The following ASCC3 variants were observed in gnomAD, a reference collection of about 807,000 sequenced individuals.
The protein encoded by ASCC3 is activating signal cointegrator 1 complex subunit 3, also known as ASC-1 complex subunit P200.
Under a neutral mutation model 256.3 loss-of-function variants are expected in ASCC3, and 158 were observed. The ratio of observed to expected loss-of-function variants is 0.62; its 90% confidence interval spans 0.54 to 0.70. ASCC3 has a LOEUF of 0.70. Ranked by LOEUF, ASCC3 falls within the 30% of genes least tolerant of loss-of-function variation. The pLI, the probability that ASCC3 is intolerant of heterozygous loss-of-function variation, is 0.00. For synonymous variants in ASCC3, 948 were observed against 883.4 expected (o/e 1.07, Z -1.30); for missense variants, 2,259 against 2,626.0 (o/e 0.86, Z 3.05).
At chr6:100,556,451 T>A (rs1404610212) in intron 36 of ASCC3, among the ~76,000 whole-genome samples, 1 of 152,282 alleles carries the variant, frequency 6.6e-6, no homozygotes, top group South Asian at 2.1e-4. Flanking sequence ...GTCAGATACA[T>A]TGTCCAGGTG....
intron 4 of ASCC3, among the ~76,000 whole-genome samples, chr6:100,825,312 C>T (rs1771248038): frequency 6.8e-6 from 1 of 147,452 alleles, no homozygotes. Context: ...GCTAAAAAAG[C>T]AGATAATGTC....
chr6:100,832,690 C>T (rs372142384), intron 4 of ASCC3, among the ~76,000 whole-genome samples: 4 of 151,952 alleles, frequency 2.6e-5, no homozygotes, highest in African/African-American at 9.7e-5. Context: ...TAAGAGTATG[C>T]ACCAGACGTA....
chr6:100,745,474 G>T (rs910456733), intron 10 of ASCC3, among the ~76,000 whole-genome samples: 2 of 144,252 alleles, frequency 1.4e-5, no homozygotes, highest in African/African-American at 5.2e-5. Context: ...GTGACAGAGT[G>T]AGACTTGGTC....
In ASCC3 at chr6:100,706,001, ATC is replaced by A. The variant is rs145342390; in HGVS notation, c.2151+9459_2151+9460del. ...AACTATAATGAAATTCCAGAAGCAAATCTCTCTCTCTACATATATATACACAC... is the reference window on the plus strand; with the variant it reads ...AACTATAATGAAATTCCAGAAGCAAATCTCTCTCTACATATATATACACAC... On this transcript the variant is annotated intron_variant, in intron 13 of 41. Coordinates refer to ENST00000369162, the MANE Select transcript of ASCC3 (RefSeq NM_006828.4). Among the ~76,000 whole-genome samples, 15 of 151,948 alleles carry A rather than the reference ATC, an allele frequency of 9.9e-5. No homozygotes were observed. The East Asian group carries it at 1.6e-3, about 16-fold the overall frequency.
At chr6:100,723,881 TATATATATATATATATTTATA>T (rs1324493616) in intron 11 of ASCC3, among the ~76,000 whole-genome samples, 7 of 138,736 alleles carry the variant, frequency 5.0e-5, no homozygotes, top group East Asian at 2.1e-4. Flanking sequence ...TATATATATA[TATATATATATATATATTTATA>T]ATTATATATA....
chr6:100,793,726 T>A (rs933994545), intron 8 of ASCC3, among the ~76,000 whole-genome samples: 5 of 151,342 alleles, frequency 3.3e-5, no homozygotes, highest in Non-Finnish European at 5.9e-5. Context: ...TTGAATCATG[T>A]GTTGCAGAAA....
At position 100,589,749 on chromosome 6, in the gene ASCC3, G is replaced by C. The variant is rs1771894766; in HGVS notation, c.5435C>G (p.Pro1812Arg). The C allele has an allele frequency of 1.2e-6, 2 of 1,613,638 alleles. No individual in the cohort carries two copies. The highest frequency in any genetic ancestry group is 1.7e-6 in the Non-Finnish European group (2 of 1,179,788). Reference sequence around the variant, plus strand: ...GGAGGCAATTCGGCCATAAGTTAGAGGTTCAATGCTGCGATTATCCTATTT... The same window carrying C: ...GGAGGCAATTCGGCCATAAGTTAGACGTTCAATGCTGCGATTATCCTATTT... ...EIGEDNRSIE[P>R]LTYGRIASYY... The change falls in exon 36 of 42, where the codon CCT becomes CGT. Residue 1812 changes from proline (P) to arginine (R), a missense_variant. Pro to Arg is a moderately radical substitution (Grantham distance 103). This residue lies in a region of ASCC3 where 1,839 missense variants were observed against 2,206.7 expected (regional missense o/e 0.83). Coordinates refer to ENST00000369162, the MANE Select transcript of ASCC3 (RefSeq NM_006828.4).
At chr6:100,615,133 A>AG (rs1773600896) in intron 30 of ASCC3, among the ~76,000 whole-genome samples, 1 of 151,922 alleles carries the variant, frequency 6.6e-6, no homozygotes, top group Non-Finnish European at 1.5e-5. Context: ...CTCCTGCCTC[A>AG]GCCTCTCGAG....
chr6:100,792,226 T>C (rs1196414993), intron 8 of ASCC3, among the ~76,000 whole-genome samples: 1 of 151,930 alleles, frequency 6.6e-6, no homozygotes, highest in Non-Finnish European at 1.5e-5. Context: ...CAGTAATACT[T>C]CCTGTTGATA....
chr6:100,615,020 TAAAAAAAA>T, intron 30 of ASCC3, among the ~76,000 whole-genome samples: 1 of 152,064 alleles, frequency 6.6e-6, no homozygotes, highest in East Asian at 1.9e-4. Flanking sequence ...TTCCTTTTCT[TAAAAAAAA>T]TTTTTGAGAT....
At chr6:100,804,582 C>T (rs921775815) in intron 5 of ASCC3, among the ~76,000 whole-genome samples, 18 of 151,858 alleles carry the variant, frequency 1.2e-4, no homozygotes, top group African/African-American at 4.4e-4. Flanking sequence ...AACAAATAAC[C>T]ACATTAAAAA....
chr6:100,857,167 T>G (rs951407589), intron 3 of ASCC3: 2 of 152,138 alleles, frequency 1.3e-5, no homozygotes, highest in African/African-American at 4.8e-5. Flanking sequence ...CCAATGAAGC[T>G]GAAGCCCTTT....
chr6:100,805,384 G>C (rs1770124342), intron 5 of ASCC3, among the ~76,000 whole-genome samples: 2 of 152,052 alleles, frequency 1.3e-5, no homozygotes, highest in Admixed American at 1.3e-4. Flanking sequence ...AGTAGGGAAA[G>C]GGCTAAAAAA....
At chr6:100,628,285 A>C (rs1774352106) in intron 27 of ASCC3, among the ~76,000 whole-genome samples, 1 of 152,146 alleles carries the variant, frequency 6.6e-6, no homozygotes. Flanking sequence ...TTGGTGGTCA[A>C]AGGGTACAAT....
At chr6:100,597,531 G>A (rs528643696) in intron 34 of ASCC3, among the ~76,000 whole-genome samples, 6 of 152,004 alleles carry the variant, frequency 3.9e-5, no homozygotes, top group Non-Finnish European at 5.9e-5. Flanking sequence ...AATTATTGCT[G>A]TATCTATTCT....
chr6:100,717,100 T>C (rs1779120796), intron 12 of ASCC3, among the ~76,000 whole-genome samples: 1 of 151,944 alleles, frequency 6.6e-6, no homozygotes, highest in Non-Finnish European at 1.5e-5. Flanking sequence ...AAACTCTCCC[T>C]TTGTGTACAA....
chr6:100,516,615 T>G (rs1442299807), intron 38 of ASCC3, among the ~76,000 whole-genome samples: 1 of 152,206 alleles, frequency 6.6e-6, no homozygotes, highest in African/African-American at 2.4e-5. Flanking sequence ...TGTGAAGTAA[T>G]GCTTCCATGT....
At chr6:100,820,397 C>A (rs368039998) in intron 4 of ASCC3, among the ~76,000 whole-genome samples, 1 of 152,116 alleles carries the variant, frequency 6.6e-6, no homozygotes, top group East Asian at 1.9e-4. Flanking sequence ...AAAGAAGAGA[C>A]TTTTCAATAA....
At chr6:100,865,109 G>A (rs1394477693) in intron 2 of ASCC3, among the ~76,000 whole-genome samples, 1 of 152,138 alleles carries the variant, frequency 6.6e-6, no homozygotes, top group Admixed American at 6.5e-5. Context: ...TCTGAGTTTA[G>A]GGGGAGGAGA....
Sources: allele counts gnomAD v4.1 joint callset (sites outside exome capture counted in the v4.1 genomes callset), GRCh38; gene constraint gnomAD v4.1.1; regional missense constraint gnomAD v4.1.1; transcripts MANE v1.5; gene names NCBI Gene and HGNC (gene_info 2026-07-23, HGNC 2026-07-21).